DMD: variants seen among roughly 807,000 people sequenced by gnomAD.
DMD encodes dystrophin.
A neutral mutation model predicts 330.1 loss-of-function variants in DMD; 63 were observed. That is an observed-to-expected ratio of 0.19 (90% CI 0.16 to 0.24). The LOEUF (loss-of-function observed/expected upper bound fraction) is 0.24. Ranked by LOEUF, DMD falls within the 10% of genes least tolerant of loss-of-function variation. The pLI, the probability that DMD is intolerant of heterozygous loss-of-function variation, is 1.00. For missense variants in DMD, 3,344 were observed against 2,684.1 expected, an observed-to-expected ratio of 1.25 and a Z score of -5.43; for synonymous variants, 1,223 against 959.8, an observed-to-expected ratio of 1.27 and a Z score of -5.07.
At chrX:32,282,471 T>C (rs1269330680) in intron 43 of DMD, among the ~76,000 whole-genome samples, 10 of 112,118 alleles carry the variant, frequency 8.9e-5, no homozygotes, top group Non-Finnish European at 1.9e-4. Flanking sequence ...CATACGTTCA[T>C]GGTGCTTGTG....
intron 2 of DMD, among the ~76,000 whole-genome samples, chrX:33,018,251 G>A (rs2093842419): frequency 9.0e-6 from 1 of 111,613 alleles, no homozygotes; most frequent in Non-Finnish European, 1.9e-5. Context: ...TGACTCTCCT[G>A]ATCAGTTATA....
At chrX:32,572,896 G>A (rs938683071) in intron 15 of DMD, among the ~76,000 whole-genome samples, 6 of 110,638 alleles carry the variant, frequency 5.4e-5, no homozygotes, top group Non-Finnish European at 1.1e-4. Context: ...CATGAAATCT[G>A]GTTGTTTAAA....
At chrX:32,413,388 T>C (rs1362070909) in intron 29 of DMD, among the ~76,000 whole-genome samples, 1 of 111,890 alleles carries the variant, frequency 8.9e-6, no homozygotes, top group Non-Finnish European at 1.9e-5. Flanking sequence ...ATTCCCTTTA[T>C]TAGATGTAAT....
intron 1 of DMD, among the ~76,000 whole-genome samples, chrX:33,049,379 T>C (rs2094430203): frequency 8.9e-6 from 1 of 111,783 alleles, no homozygotes; most frequent in Admixed American, 9.6e-5. Flanking sequence ...TTACAGATTT[T>C]ACTATTCCTT....
Position 32,389,376 on chromosome X carries a change from A to T in DMD, c.4518+125T>A, listed in dbSNP as rs2097984571. On this transcript the variant is annotated intron_variant, in intron 32 of 78. Coordinates refer to ENST00000357033, the MANE Select transcript of DMD (RefSeq NM_004006.3). Reference sequence around the variant, plus strand: ...ATACATGTGCCAATTTTTGTTCTCAATCTTAAAATTACATAGTATAATTAT... The same window carrying T: ...ATACATGTGCCAATTTTTGTTCTCATTCTTAAAATTACATAGTATAATTAT... The T allele has an allele frequency of 5.0e-6, 4 of 806,775 alleles. No individual in the cohort carries two copies. In the South Asian group the frequency reaches 9.0e-5, roughly 18 times the overall value. The allele number at this position is 806,775 out of a possible 1,213,427, so 66.5% of individuals were successfully genotyped here.
intron 44 of DMD, among the ~76,000 whole-genome samples, chrX:31,998,530 G>A (rs1446875093): frequency 9.0e-6 from 1 of 111,565 alleles, no homozygotes. Flanking sequence ...AAGATAGAAG[G>A]ATGGGAGTAC....
At chrX:31,803,951 G>A (rs767376836) in intron 50 of DMD, among the ~76,000 whole-genome samples, 3 of 110,420 alleles carry the variant, frequency 2.7e-5, no homozygotes, top group East Asian at 2.9e-4. Flanking sequence ...CACCCACCTC[G>A]GCCCCCCAAA....
chrX:31,742,901 AACAG>A (rs1239636047), intron 51 of DMD, among the ~76,000 whole-genome samples: 4 of 112,233 alleles, frequency 3.6e-5, no homozygotes, highest in South Asian at 3.7e-4. Flanking sequence ...CAACAGAGTA[AACAG>A]ACAGTCTACA....
chrX:32,967,177 C>G (rs950756641), intron 2 of DMD, among the ~76,000 whole-genome samples: 2 of 111,600 alleles, frequency 1.8e-5, no homozygotes, highest in Admixed American at 1.9e-4. Context: ...TCATCCCTCC[C>G]AGCCAGTCCA....
chrX:33,085,641 C>T (rs760726906), intron 1 of DMD, among the ~76,000 whole-genome samples: 1 of 112,113 alleles, frequency 8.9e-6, no homozygotes, highest in South Asian at 3.6e-4. Flanking sequence ...AACTTGGCTA[C>T]AGACTGTCCA....
chrX:32,398,379 T>G, intron 30 of DMD, among the ~76,000 whole-genome samples: 1 of 109,584 alleles, frequency 9.1e-6, no homozygotes, highest in Non-Finnish European at 1.9e-5. Context: ...AAACAGTCTA[T>G]TTCAGTGTCT....
intron 68 of DMD, 58 bp from the exon 69 acceptor site, chrX:31,180,539 C>G: frequency 1.3e-6 from 1 of 794,651 alleles, no homozygotes; most frequent in South Asian, 2.1e-5. Flanking sequence ...TCCCAAAGAA[C>G]ACTCTTTAAT....
At chrX:31,263,200 A>G (rs1486336557) in intron 62 of DMD, among the ~76,000 whole-genome samples, 1 of 112,603 alleles carries the variant, frequency 8.9e-6, no homozygotes, top group Non-Finnish European at 1.9e-5. Context: ...AGACAGAGAC[A>G]GGGAACCACG....
chrX:31,670,847 A>T (rs1303709135), intron 53 of DMD, among the ~76,000 whole-genome samples: 1 of 111,168 alleles, frequency 9.0e-6, no homozygotes, highest in African/African-American at 3.3e-5. Flanking sequence ...ACATTTGCAG[A>T]TACCTGGGCT....
At chrX:33,300,419 AC>A (rs1232330065) in intron 1 of DMD, among the ~76,000 whole-genome samples, 2 of 112,117 alleles carry the variant, frequency 1.8e-5, no homozygotes, top group Non-Finnish European at 3.8e-5. Context: ...TCCTCAACTA[AC>A]CTTTTCCTAT....
At chrX:31,559,742 C>T (rs772326861) in intron 55 of DMD, among the ~76,000 whole-genome samples, 5 of 107,609 alleles carry the variant, frequency 4.6e-5, no homozygotes, top group Non-Finnish European at 7.7e-5. Flanking sequence ...TAGGGCTCAG[C>T]GCCCCGAACC....
In DMD at chrX:32,702,810, C is replaced by A. The variant is rs149803649; in HGVS notation, c.650-3517G>T. On this transcript the variant is annotated intron_variant, in intron 7 of 78. Transcript: ENST00000357033. Reference sequence around the variant, plus strand: ...AAATGACTTCATTCAATTTTCAAATCATTTACTCCACAGTCTTTGGAAATG... The same window carrying A: ...AAATGACTTCATTCAATTTTCAAATAATTTACTCCACAGTCTTTGGAAATG... Among the ~76,000 whole-genome samples, 37 of 111,059 alleles carry A rather than the reference C, an allele frequency of 3.3e-4. No individual in the cohort carries two copies. In the East Asian group the frequency reaches 9.2e-3, roughly 28 times the overall value.
intron 2 of DMD, among the ~76,000 whole-genome samples, chrX:32,986,411 C>T (rs12858153): frequency 0.08 from 8,860 of 110,778 alleles, 426 homozygotes; most frequent in East Asian, 0.18. Context: ...AAATTTAGGG[C>T]GTAAGAAATA....
chrX:31,574,244 T>C (rs908594874), intron 55 of DMD, among the ~76,000 whole-genome samples: 3 of 104,145 alleles, frequency 2.9e-5, no homozygotes, highest in African/African-American at 1.1e-4. Context: ...CCCGGATTCA[T>C]GCCATCCTCC....
Sources: gnomAD v4.1 joint callset for allele counts (sites outside exome capture counted in the v4.1 genomes callset) on GRCh38, gnomAD v4.1.1 for gene constraint, MANE v1.5 for transcripts, NCBI Gene and HGNC (gene_info 2026-07-23, HGNC 2026-07-21) for gene names.